The following ARHGEF7 variants were observed in gnomAD, a reference collection of about 807,000 sequenced individuals.
ARHGEF7 encodes the protein PAK-interacting exchange factor beta.
ARHGEF7 carries 33 observed loss-of-function variants against 109.8 expected under a neutral mutation model. That is an observed-to-expected ratio of 0.30 (90% CI 0.23 to 0.40). The LOEUF is 0.40. Among genes scored for constraint, ARHGEF7 ranks in the 10% least tolerant of loss-of-function variants. The probability of loss-of-function intolerance (pLI) is 1.00; values close to 1 mark genes in which losing one functional copy is unlikely to be tolerated. For missense variants in ARHGEF7, 938 were observed against 1,098.5 expected (o/e 0.85, Z 2.07); for synonymous variants, 458 against 424.6 (o/e 1.08, Z -0.97).
At chr13:111,168,424 G>T (rs1276185848) in intron 2 of ARHGEF7, among the ~76,000 whole-genome samples, 1 of 152,182 alleles carries the variant, frequency 6.6e-6, no homozygotes, top group Non-Finnish European at 1.5e-5. Context: ...ATGCTGCCTT[G>T]AGGATAAACA....
intron 1 of ARHGEF7, among the ~76,000 whole-genome samples, chr13:111,133,178 CG>C (rs1410005607): frequency 2.0e-5 from 3 of 151,718 alleles, no homozygotes; most frequent in African/African-American, 7.3e-5. Flanking sequence ...TATATGTGCA[CG>C]TGTATGTATG....
chr13:111,285,056 C>T (rs2092961653), intron 16 of ARHGEF7, among the ~76,000 whole-genome samples: 1 of 152,166 alleles, frequency 6.6e-6, no homozygotes, highest in Non-Finnish European at 1.5e-5. Context: ...ATTTTAGATT[C>T]AGAGTTTGTT....
chr13:111,150,679 G>C (rs529117347), intron 1 of ARHGEF7, among the ~76,000 whole-genome samples: 1 of 152,310 alleles, frequency 6.6e-6, no homozygotes, highest in Non-Finnish European at 1.5e-5. Flanking sequence ...CCAGTAGTCT[G>C]TCATGGTGGC....
At chr13:111,301,017 C>G (rs1042077105) in intron 20 of ARHGEF7, among the ~76,000 whole-genome samples, 170 bp downstream of exon 20, 3 of 151,966 alleles carry the variant, frequency 2.0e-5, no homozygotes, top group Non-Finnish European at 4.4e-5. Context: ...GGTGCGATCT[C>G]AGCTCACTGC....
chr13:111,286,295 A>G, intron 17 of ARHGEF7, 55 bp downstream of exon 17: 2 of 1,432,832 alleles, frequency 1.4e-6, no homozygotes, highest in South Asian at 1.2e-5. Context: ...CACGTAGGCC[A>G]TGGCTTTCCT....
intron 1 of ARHGEF7, among the ~76,000 whole-genome samples, chr13:111,136,710 C>G (rs186076859): frequency 6.6e-6 from 1 of 152,182 alleles, no homozygotes; most frequent in Non-Finnish European, 1.5e-5. Context: ...CAAACACATT[C>G]AAAAGCTAGC....
chr13:111,159,803 G>A (rs1018803877), intron 2 of ARHGEF7, among the ~76,000 whole-genome samples: 17 of 152,012 alleles, frequency 1.1e-4, no homozygotes, highest in Admixed American at 5.9e-4. Context: ...CTTTCTTTCC[G>A]TTCTGTGAGT....
At chr13:111,223,858 A>AT (rs35652076) in intron 5 of ARHGEF7, among the ~76,000 whole-genome samples, 4,990 of 139,020 alleles carry the variant, frequency 0.036, 105 homozygotes, top group Middle Eastern at 0.12. Flanking sequence ...TTTCTATAGC[A>AT]TTTTTTTTTT....
At chr13:111,298,430 C>A (rs1186212562) in intron 19 of ARHGEF7, among the ~76,000 whole-genome samples, 1 of 152,176 alleles carries the variant, frequency 6.6e-6, no homozygotes, top group Non-Finnish European at 1.5e-5. Flanking sequence ...CAGCATTACC[C>A]GTTAGCCAGG....
chr13:111,149,024 G>A (rs1009822825), intron 1 of ARHGEF7, among the ~76,000 whole-genome samples: 1 of 152,036 alleles, frequency 6.6e-6, no homozygotes, highest in Non-Finnish European at 1.5e-5. Context: ...GAAAACAAGC[G>A]ATGCTGGGCC....
At chr13:111,153,393 G>A (rs115357524) in intron 1 of ARHGEF7, among the ~76,000 whole-genome samples, 1,930 of 152,230 alleles carry the variant, frequency 0.013, 37 homozygotes, top group African/African-American at 0.044. Context: ...GGAGGAGGCC[G>A]AGCGCGGAGC....
At chr13:111,215,295 A>G (rs557065789) in intron 4 of ARHGEF7, among the ~76,000 whole-genome samples, 1 of 152,038 alleles carries the variant, frequency 6.6e-6, no homozygotes, top group East Asian at 1.9e-4. Flanking sequence ...ATCTTGCTGG[A>G]GGATTGTATT....
chr13:111,231,448 G>A (rs775903401), intron 5 of ARHGEF7, among the ~76,000 whole-genome samples: 1 of 149,346 alleles, frequency 6.7e-6, no homozygotes, highest in Non-Finnish European at 1.5e-5. Flanking sequence ...CCACCTGGAA[G>A]TACTTAACAG....
chr13:111,229,057 G>A (rs140229836), intron 5 of ARHGEF7, among the ~76,000 whole-genome samples: 19 of 152,068 alleles, frequency 1.2e-4, no homozygotes, highest in African/African-American at 3.9e-4. Flanking sequence ...GAGCTGCCTC[G>A]GAGTGGGGAG....
At chr13:111,267,444 G>T (rs1187414094) in intron 8 of ARHGEF7, 104 bp from the exon 9 acceptor site, 15 of 1,449,388 alleles carry the variant, frequency 1.0e-5, no homozygotes, top group South Asian at 1.0e-4. Context: ...ACAGATGGGT[G>T]CAGAGGGAGG....
At chr13:111,227,800 C>G (rs1274355514) in intron 5 of ARHGEF7, among the ~76,000 whole-genome samples, 2 of 152,198 alleles carry the variant, frequency 1.3e-5, no homozygotes, top group South Asian at 2.1e-4. Flanking sequence ...ATTTGTATTT[C>G]AGTGACATTT....
intron 2 of ARHGEF7, among the ~76,000 whole-genome samples, chr13:111,174,970 T>C (rs1175536381): frequency 6.6e-6 from 1 of 152,210 alleles, no homozygotes; most frequent in Non-Finnish European, 1.5e-5. Flanking sequence ...GATCTTGCTG[T>C]CTCCTCCTCA....
rs778830968 is a variant in ARHGEF7, at chr13:111,228,329, G to T, written c.671-4876G>T. On this transcript the variant is annotated intron_variant, in intron 5 of 21. Coordinates refer to ENST00000646102, the MANE Select transcript of ARHGEF7 (RefSeq NM_001354046.2). The surrounding 1 kb of genome is among the most constrained non-coding windows in gnomAD (Gnocchi z 4.6). ...ATACTATTTAAAAATTATTAATATC[G>T]TCAGGTGTGATAATGGTCTGAGGTT... Among the ~76,000 whole-genome samples the T allele has an allele frequency of 6.6e-6, 1 of 152,108 alleles. No homozygotes were observed. Among genetic ancestry groups the T allele is most frequent in the African/African-American group, 2.4e-5 (1 of 41,422 alleles).
chr13:111,136,496 T>C (rs1261711173), intron 1 of ARHGEF7, among the ~76,000 whole-genome samples: 2 of 152,212 alleles, frequency 1.3e-5, no homozygotes, highest in Non-Finnish European at 1.5e-5. Flanking sequence ...GAATGACTAC[T>C]GGGTACATAA....
Sources: gnomAD v4.1 joint callset for allele counts (sites outside exome capture counted in the v4.1 genomes callset) on GRCh38, gnomAD v4.1.1 for gene constraint, Gnocchi (gnomAD v3.1) non-coding constraint, MANE v1.5 for transcripts, NCBI Gene and HGNC (gene_info 2026-07-23, HGNC 2026-07-21) for gene names.